CCL23: variants seen among roughly 807,000 people sequenced by gnomAD.
CCL23 encodes C-C motif chemokine 23.
In CCL23, 10 loss-of-function variants were observed where a neutral mutation model predicts 11.8. The ratio of observed to expected loss-of-function variants is 0.84; its 90% CI spans 0.52 to 1.43. CCL23 has a LOEUF of 1.43. CCL23 is among the 40% of genes most tolerant of loss of function. The pLI, the probability that CCL23 is intolerant of heterozygous loss-of-function variation, is 0.00. For missense variants in CCL23, 181 were observed against 170.9 expected (o/e 1.06, Z -0.33); for synonymous variants, 60 against 61.0 (o/e 0.98, Z 0.07).
chr17:36,017,763 G>A, intron 1 of CCL23, 59 bp downstream of exon 1: 3 of 1,510,740 alleles, frequency 2.0e-6, no homozygotes, highest in Non-Finnish European at 2.8e-6. Flanking sequence ...ATGTGTCTCT[G>A]CCACAGAGCT....
At chr17:36,015,015 C>T (rs932006479) in intron 1 of CCL23, among the ~76,000 whole-genome samples, 3 of 151,954 alleles carry the variant, frequency 2.0e-5, no homozygotes, top group African/African-American at 7.3e-5. Context: ...GTATACAGTT[C>T]AATAGCATCA....
intron 1 of CCL23, 36 bp downstream of exon 1, chr17:36,017,786 A>G (rs925729072): frequency 3.1e-6 from 5 of 1,597,088 alleles, no homozygotes; most frequent in Middle Eastern, 1.7e-4. Context: ...AGTTACCATG[A>G]ACCTGGTCAT....
In CCL23 at chr17:36,017,867, G is replaced by A. The variant is rs200802399; in HGVS notation, c.31C>T (p.Leu11Phe). The A allele has an allele frequency of 3.7e-4, 599 of 1,614,016 alleles. 5 individuals are homozygous for A. Among genetic ancestry groups the A allele is most frequent in the East Asian group, 8.2e-4 (37 of 44,868 alleles). ...GATCCAAGGGCAGTAACAAGCATGA[G>A]GCAGGAGAGGGCAGCCACGGAGACC... MKVSVAALSC[L>F]MLVTALGSQA... Residue 11 changes from leucine (L) to phenylalanine (F), a missense_variant, in exon 1 of 4, where the codon CTC becomes TTC. Leu to Phe is a conservative substitution (Grantham distance 22). Transcript: ENST00000615050.
At chr17:36,014,959 T>C (rs1375172681) in intron 1 of CCL23, among the ~76,000 whole-genome samples, 2 of 67,796 alleles carry the variant, frequency 3.0e-5, no homozygotes, top group East Asian at 5.4e-4. Flanking sequence ...ATCGTGGTTA[T>C]ATATATATAT....
rs768484405 is a variant in CCL23 at position 36,013,289 on chromosome 17, G to T, written c.322C>A (p.Arg108=). 3.1e-6 allele frequency: 5 copies of T among 1,612,762 alleles called. No individual in the cohort carries two copies. In the Admixed American group the frequency reaches 6.7e-5, roughly 22 times the overall value. Residue 108 remains arginine (R), a synonymous_variant, in exon 4 of 4, where the codon CGA becomes AGA. Coordinates refer to ENST00000615050, the MANE Select transcript of CCL23 (RefSeq NM_005064.6). ...PGVIFLTKKG[R]RFCANPSDKQ... ...TCACTGGGGTTGGCACAGAAACGTC[G>T]CCCCTTCTTGGTGAGGAAGCTAGGG...
chr17:36,015,791 C>T (rs2090093296), intron 1 of CCL23, among the ~76,000 whole-genome samples: 1 of 152,108 alleles, frequency 6.6e-6, no homozygotes, highest in African/African-American at 2.4e-5. Flanking sequence ...AATCCCAGCA[C>T]TTTGGGAGGC....
chr17:36,014,039 C>A (rs1015788401), intron 2 of CCL23, 130 bp from the exon 3 acceptor site: 12 of 929,916 alleles, frequency 1.3e-5, no homozygotes, highest in Middle Eastern at 2.8e-4. Context: ...TCAGGGTGGG[C>A]CAGAGCAGGA....
At chr17:36,013,487 C>G in intron 3 of CCL23, 179 bp from the exon 4 acceptor site, 1 of 611,854 alleles carries the variant, frequency 1.6e-6, no homozygotes, top group South Asian at 2.0e-5. Flanking sequence ...ACCCCCTCAG[C>G]CTGTGGGACT....
In CCL23 at chr17:36,013,289, G is replaced by GC; in HGVS notation, c.321dup (p.Arg108AlafsTer9). ...TCACTGGGGTTGGCACAGAAACGTC[G>GC]CCCCTTCTTGGTGAGGAAGCTAGGG... is the stretch of plus-strand genomic sequence containing the variant. On this transcript the variant is annotated frameshift_variant, in exon 4 of 4. Coordinates refer to ENST00000615050, the MANE Select transcript of CCL23 (RefSeq NM_005064.6). LOFTEE classifies it low-confidence loss of function (END_TRUNC). 6.2e-7 allele frequency: 1 copy of GC among 1,612,880 alleles called. No individual in the cohort carries two copies. Among genetic ancestry groups the GC allele is most frequent in the South Asian group, 1.1e-5 (1 of 91,020 alleles).
intron 1 of CCL23, among the ~76,000 whole-genome samples, chr17:36,015,222 G>A (rs1322700316): frequency 6.6e-6 from 1 of 151,942 alleles, no homozygotes; most frequent in Non-Finnish European, 1.5e-5. Context: ...TTTTGTGACT[G>A]GTTTATTTCA....
In CCL23 at chr17:36,017,872, G is replaced by T. The variant is rs1267555149; in HGVS notation, c.26C>A (p.Ser9Tyr). 2 of 1,614,040 alleles carry T rather than the reference G, an allele frequency of 1.2e-6. No homozygotes were observed. Among genetic ancestry groups the T allele is most frequent in the Non-Finnish European group, 1.7e-6 (2 of 1,180,022 alleles). Residue 9 changes from serine (S) to tyrosine (Y), a missense_variant, in exon 1 of 4, where the codon TCC becomes TAC. Ser to Tyr is a moderately radical substitution (Grantham distance 144, BLOSUM62 -2). Coordinates refer to ENST00000615050, the MANE Select transcript of CCL23 (RefSeq NM_005064.6). The stretch of plus-strand genomic sequence containing the variant: ...AAGGGCAGTAACAAGCATGAGGCAG[G>T]AGAGGGCAGCCACGGAGACCTTCAT... Reference protein sequence around the residue: MKVSVAALSCLMLVTALGS... With the variant: MKVSVAALYCLMLVTALGS...
chr17:36,013,520 C>A, intron 3 of CCL23: 1 of 618,630 alleles, frequency 1.6e-6, no homozygotes, highest in Non-Finnish European at 2.8e-6. Context: ...ATGGGAGCAT[C>A]CTTGGGCAGA....
rs746101314 is a variant in CCL23 at position 36,013,845 on chromosome 17, AG to A, written c.200del (p.Thr67IlefsTer57). ...TGTAGGAGATGCAGCAGTCAGCACT[AG>A]TAGCATGGAATCCTGCAGCATGAGA... ...TLSHAAGFHA[T>X]SADCCISYTP... On this transcript the variant is annotated frameshift_variant, in exon 3 of 4. Transcript: ENST00000615050. LOFTEE classifies it high-confidence loss of function. 6.2e-6 allele frequency: 10 copies of A among 1,613,998 alleles called. No homozygotes were observed. In the South Asian group the frequency reaches 9.9e-5, roughly 16 times the overall value.
intron 1 of CCL23, among the ~76,000 whole-genome samples, chr17:36,014,973 T>C (rs1194592964): frequency 1.3e-5 from 2 of 148,370 alleles, no homozygotes; most frequent in Non-Finnish European, 3.0e-5. Flanking sequence ...TATATATATA[T>C]AACGTAAAAT....
In CCL23 at chr17:36,013,200, A is replaced by G. The variant is rs375970652; in HGVS notation, c.411T>C (p.Asn137=). Residue 137 remains asparagine (N), a synonymous_variant, in exon 4 of 4, where the codon AAT becomes AAC. Coordinates refer to ENST00000615050, the MANE Select transcript of CCL23 (RefSeq NM_005064.6). ...KLDTRIKTRK[N] ...GTGTCCCTTCACCTTGACAAGTTCAATTCTTCCTGGTCTTGATCCGTGTGT... is the reference window on the plus strand; with the variant it reads ...GTGTCCCTTCACCTTGACAAGTTCAGTTCTTCCTGGTCTTGATCCGTGTGT... 117 of 1,604,122 alleles carry G rather than the reference A, an allele frequency of 7.3e-5. No homozygotes were observed. The highest frequency in any genetic ancestry group is 2.2e-4 in the South Asian group (20 of 90,870).
At chr17:36,016,314 C>G (rs943179914) in intron 1 of CCL23, among the ~76,000 whole-genome samples, 7 of 152,034 alleles carry the variant, frequency 4.6e-5, no homozygotes, top group Non-Finnish European at 7.4e-5. Flanking sequence ...CTAATGCTCT[C>G]CCTCCTTTTA....
intron 3 of CCL23, 151 bp downstream of exon 3, chr17:36,013,593 G>T (rs1394516467): frequency 1.4e-5 from 10 of 707,598 alleles, no homozygotes; most frequent in Admixed American, 2.6e-5. Context: ...CATCCCCGAT[G>T]CCCTGCAGGA....
rs748629383 is a variant in CCL23 at position 36,013,198 on chromosome 17, C to G, written c.413G>C (p.Ter138SerextTer26). 6.2e-7 allele frequency: 1 copy of G among 1,600,746 alleles called. No individual in the cohort carries two copies. Among genetic ancestry groups the G allele is most frequent in the African/African-American group, 1.3e-5 (1 of 74,910 alleles). ...TTGTGTCCCTTCACCTTGACAAGTTCAATTCTTCCTGGTCTTGATCCGTGT... is the reference window on the plus strand; with the variant it reads ...TTGTGTCCCTTCACCTTGACAAGTTGAATTCTTCCTGGTCTTGATCCGTGT... ...LDTRIKTRKN[*>S] is the part of the protein sequence containing the mutation. Residue 138 changes from the stop codon to serine, a stop_lost, in exon 4 of 4, where the codon TGA becomes TCA. Transcript: ENST00000615050.
At chr17:36,016,960 G>A (rs922973582) in intron 1 of CCL23, among the ~76,000 whole-genome samples, 4 of 151,710 alleles carry the variant, frequency 2.6e-5, no homozygotes, top group Admixed American at 2.0e-4. Context: ...TTCTTATATG[G>A]TTACATTAAA....
Sources: allele counts gnomAD v4.1 joint callset (sites outside exome capture counted in the v4.1 genomes callset), GRCh38; gene constraint gnomAD v4.1.1; transcripts MANE v1.5; gene names NCBI Gene and HGNC (gene_info 2026-07-23, HGNC 2026-07-21).